Variants in PLCXD3 observed in about 807,000 individuals in gnomAD.
The protein encoded by PLCXD3 is phosphatidylinositol specific phospholipase C X domain containing 3, also known as PI-PLC X domain-containing protein 3.
PLCXD3 carries 19 observed loss-of-function variants against 25.5 expected under a neutral mutation model. That is an observed-to-expected ratio of 0.75 (90% CI 0.52 to 1.09). The LOEUF is 1.09. Ranked by LOEUF, PLCXD3 falls within the 50% of genes least tolerant of loss-of-function variation. The pLI is 0.00. For missense variants in PLCXD3, 411 were observed against 388.1 expected, an observed-to-expected ratio of 1.06 and a Z score of -0.50; for synonymous variants, 174 against 137.6, an observed-to-expected ratio of 1.26 and a Z score of -1.85.
intron 2 of PLCXD3, among the ~76,000 whole-genome samples, chr5:41,373,926 A>G (rs1745202208): frequency 6.6e-6 from 1 of 152,174 alleles, no homozygotes; most frequent in African/African-American, 2.4e-5. Flanking sequence ...AACACAAGAC[A>G]GAAGATGCCA....
At chr5:41,419,553 A>G (rs933854973) in intron 1 of PLCXD3, among the ~76,000 whole-genome samples, 2 of 152,196 alleles carry the variant, frequency 1.3e-5, no homozygotes, top group African/African-American at 4.8e-5. Flanking sequence ...CCATGAAGCA[A>G]TTAAAAAAAA....
In PLCXD3 at chr5:41,359,043, C is replaced by G. The variant is rs190637533; in HGVS notation, c.812+22783G>C. Among the ~76,000 whole-genome samples the G allele has an allele frequency of 4.4e-3, 673 of 152,106 alleles. 2 individuals carry two copies. Among genetic ancestry groups the G allele is most frequent in the Middle Eastern group, 6.8e-3 (2 of 294 alleles). On this transcript the variant is annotated intron_variant, in intron 2 of 2. Transcript: ENST00000377801. Reference sequence around the variant, plus strand: ...ATTTATTGACTTGCATATGTTAAACCATCCCTGCATCCTGGTATGAAACCC... The same window carrying G: ...ATTTATTGACTTGCATATGTTAAACGATCCCTGCATCCTGGTATGAAACCC...
chr5:41,463,207 A>C (rs750487769), intron 1 of PLCXD3, among the ~76,000 whole-genome samples: 1 of 151,822 alleles, frequency 6.6e-6, no homozygotes, highest in Non-Finnish European at 1.5e-5. Flanking sequence ...TACTATAACA[A>C]AGTACCACAG....
In PLCXD3 at chr5:41,316,993, C is replaced by A. The variant is rs549388720; in HGVS notation, c.813-3223G>T. ...TTGCCACCTGCTGATTGTTCAGCCC[C>A]AGGGCCTTGAGAAACCATACACAAT... is the stretch of plus-strand genomic sequence containing the variant. On this transcript the variant is annotated intron_variant, in intron 2 of 2. Coordinates refer to ENST00000377801, the MANE Select transcript of PLCXD3 (RefSeq NM_001005473.3). Among the ~76,000 whole-genome samples the A allele has an allele frequency of 5.6e-4, 85 of 152,296 alleles. 1 individual carries two copies. In the South Asian group the frequency reaches 0.017, roughly 30 times the overall value.
chr5:41,479,050 T>G (rs1748339522), intron 1 of PLCXD3, among the ~76,000 whole-genome samples: 1 of 152,142 alleles, frequency 6.6e-6, no homozygotes, highest in Admixed American at 6.5e-5. Context: ...AGATAAGATT[T>G]GGGTGAGGAC....
intron 1 of PLCXD3, among the ~76,000 whole-genome samples, chr5:41,500,138 T>C (rs186894167): frequency 6.6e-6 from 1 of 152,038 alleles, no homozygotes; most frequent in East Asian, 1.9e-4. Flanking sequence ...CTCCGCACTA[T>C]TCATAATAGC....
chr5:41,392,514 T>A (rs1180626783), intron 1 of PLCXD3, among the ~76,000 whole-genome samples: 1 of 152,122 alleles, frequency 6.6e-6, no homozygotes, highest in African/African-American at 2.4e-5. Context: ...CTTGGGGTGC[T>A]CCCTAAAGCA....
chr5:41,313,756 A>G lies in PLCXD3; in HGVS notation c.827T>C (p.Met276Thr). Residue 276 changes from methionine to threonine, a missense_variant, in exon 3 of 3, where the codon ATG (methionine) becomes ACG (threonine). Coordinates refer to ENST00000377801, the MANE Select transcript of PLCXD3 (RefSeq NM_001005473.3). ...ETITERALPA[M>T]MQWVRTQKPG... ...CTTCTGCGTGCGGACCCACTGCATC[A>G]TGGCAGGAAGAGCTCTGAGAAAGGA... 1 of 1,601,690 alleles carries G rather than the reference A, an allele frequency of 6.2e-7. No individual in the cohort carries two copies. The highest frequency in any genetic ancestry group is 8.5e-7 in the Non-Finnish European group (1 of 1,174,350).
At chr5:41,450,651 CACTTT>C (rs1362331086) in intron 1 of PLCXD3, among the ~76,000 whole-genome samples, 1 of 152,072 alleles carries the variant, frequency 6.6e-6, no homozygotes, top group Admixed American at 6.6e-5. Context: ...TTCCCAAGAA[CACTTT>C]ACTTGTTAAG....
intron 1 of PLCXD3, among the ~76,000 whole-genome samples, chr5:41,403,394 A>ATTTTTT (rs1554047940): frequency 1.3e-4 from 2 of 15,722 alleles, no homozygotes; most frequent in South Asian, 1.2e-3. Flanking sequence ...AGATTGACTT[A>ATTTTTT]TTTGTTGTTT....
chr5:41,510,219 C>G (rs773606674), intron 1 of PLCXD3, among the ~76,000 whole-genome samples: 2 of 152,224 alleles, frequency 1.3e-5, no homozygotes, highest in Non-Finnish European at 2.9e-5. Flanking sequence ...CACCTTGACT[C>G]TAGCGCCTCG....
intron 1 of PLCXD3, among the ~76,000 whole-genome samples, chr5:41,507,562 G>A (rs1031219495): frequency 1.3e-5 from 2 of 152,148 alleles, no homozygotes; most frequent in Admixed American, 6.5e-5. Context: ...TAAAGACACC[G>A]GAACTGTGCT....
At chr5:41,469,682 G>GT (rs922165808) in intron 1 of PLCXD3, among the ~76,000 whole-genome samples, 2 of 152,040 alleles carry the variant, frequency 1.3e-5, no homozygotes, top group Non-Finnish European at 2.9e-5. Context: ...GAAGTAATTA[G>GT]TTTTTTAAAA....
In PLCXD3 at chr5:41,311,871, T is replaced by C. The variant is rs1743142405; in HGVS notation, c.*1746A>G. Reference sequence around the variant, plus strand: ...TAAGTCTAAGAGATTAAGCCATATGTGCTACATTTAAGTTCATTAAAAGCT... The same window carrying C: ...TAAGTCTAAGAGATTAAGCCATATGCGCTACATTTAAGTTCATTAAAAGCT... On this transcript the variant is annotated 3_prime_UTR_variant, in exon 3 of 3. Transcript: ENST00000377801. 1 of 152,594 alleles carries C rather than the reference T, an allele frequency of 6.6e-6. No individual in the cohort carries two copies. The highest frequency in any genetic ancestry group is 6.5e-5 in the Admixed American group (1 of 15,270). 9.5% of individuals were successfully genotyped at this position (152,594 alleles called of 1,614,324 possible).
intron 1 of PLCXD3, among the ~76,000 whole-genome samples, chr5:41,442,196 C>A (rs1747399567): frequency 6.6e-6 from 1 of 152,186 alleles, no homozygotes; most frequent in Non-Finnish European, 1.5e-5. Flanking sequence ...ATAGTGAATT[C>A]TCCTTCTAAA....
At chr5:41,352,522 A>G (rs968938415) in intron 2 of PLCXD3, among the ~76,000 whole-genome samples, 4 of 152,196 alleles carry the variant, frequency 2.6e-5, no homozygotes, top group Non-Finnish European at 5.9e-5. Flanking sequence ...CAGAAAATAA[A>G]TTTATGATAA....
At chr5:41,351,640 T>G (rs1744462451) in intron 2 of PLCXD3, among the ~76,000 whole-genome samples, 3 of 152,244 alleles carry the variant, frequency 2.0e-5, no homozygotes, top group Admixed American at 2.0e-4. Flanking sequence ...ATATTTAAAA[T>G]GAAGTTTCTA....
intron 1 of PLCXD3, among the ~76,000 whole-genome samples, chr5:41,509,822 C>T (rs540403789): frequency 6.6e-6 from 1 of 152,246 alleles, no homozygotes; most frequent in Non-Finnish European, 1.5e-5. Context: ...AAATGGTGCC[C>T]TCTGCCCGTC....
chr5:41,330,621 A>T (rs1267083109), intron 2 of PLCXD3, among the ~76,000 whole-genome samples: 1 of 152,208 alleles, frequency 6.6e-6, no homozygotes, highest in Non-Finnish European at 1.5e-5. Context: ...CTGATACCAA[A>T]GCTGGGCCGA....
Sources: gnomAD v4.1 joint callset for allele counts (sites outside exome capture counted in the v4.1 genomes callset) on GRCh38, gnomAD v4.1.1 for gene constraint, MANE v1.5 for transcripts, NCBI Gene and HGNC (gene_info 2026-07-23, HGNC 2026-07-21) for gene names.